The following MALRD1 variants were observed in gnomAD, a reference collection of about 807,000 sequenced individuals.
MALRD1 encodes the protein MAM and LDL receptor class A domain containing 1.
A neutral mutation model predicts 242.1 loss-of-function variants in MALRD1; 247 were observed. The observed-to-expected ratio is 1.02, with a 90% CI of 0.92 to 1.13. MALRD1 has a LOEUF of 1.13. Among genes scored for constraint, MALRD1 ranks in the 50% most tolerant of loss-of-function variants. MALRD1 has a pLI of 0.00. For missense variants in MALRD1, 2,989 were observed against 2,533.1 expected (o/e 1.18, Z -3.86); for synonymous variants, 995 against 866.6 (o/e 1.15, Z -2.60).
At chr10:19,356,125 A>G (rs1225529320) in intron 26 of MALRD1, among the ~76,000 whole-genome samples, 2 of 151,640 alleles carry the variant, frequency 1.3e-5, no homozygotes, top group Non-Finnish European at 1.5e-5. Context: ...CTACCACTAC[A>G]GTAGTTACAG....
At chr10:19,223,579 G>T (rs1050873063) in intron 18 of MALRD1, among the ~76,000 whole-genome samples, 3 of 151,768 alleles carry the variant, frequency 2.0e-5, no homozygotes, top group Non-Finnish European at 4.4e-5. Context: ...TTAAGTTCTG[G>T]GATACATATG....
chr10:19,285,480 G>C (rs1841065742), intron 21 of MALRD1, among the ~76,000 whole-genome samples: 1 of 151,702 alleles, frequency 6.6e-6, no homozygotes, highest in African/African-American at 2.4e-5. Context: ...TGGCTAGCCA[G>C]TTTTCCCAGC....
chr10:19,279,920 T>C, intron 19 of MALRD1, 127 bp from the exon 20 acceptor site: 1 of 636,636 alleles, frequency 1.6e-6, no homozygotes, highest in South Asian at 4.5e-5. Flanking sequence ...GCAGAGTAGC[T>C]GATACTACCC....
chr10:19,526,435 G>C (rs1834104668), intron 31 of MALRD1, among the ~76,000 whole-genome samples: 1 of 151,408 alleles, frequency 6.6e-6, no homozygotes, highest in African/African-American at 2.4e-5. Flanking sequence ...AGATATGCTA[G>C]AGTTTCAGAA....
intron 1 of MALRD1, among the ~76,000 whole-genome samples, chr10:19,049,786 A>G (rs974513822): frequency 2.0e-5 from 3 of 152,226 alleles, no homozygotes; most frequent in African/African-American, 7.2e-5. Context: ...ACAGGTGGGA[A>G]AATGCCCCAT....
intron 35 of MALRD1, among the ~76,000 whole-genome samples, 163 bp downstream of exon 35, chr10:19,608,065 C>T (rs1838722496): frequency 6.6e-6 from 1 of 152,068 alleles, no homozygotes; most frequent in Non-Finnish European, 1.5e-5. Flanking sequence ...TTAATTGCCA[C>T]ATGTCTAAAG....
chr10:19,711,308 A>G (rs1041308737), intron 38 of MALRD1: 3 of 152,220 alleles, frequency 2.0e-5, no homozygotes, highest in Non-Finnish European at 2.9e-5. Flanking sequence ...AAAGAAACAC[A>G]TAAGTCAGAA....
At chr10:19,654,237 AAG>A (rs1278389742) in intron 36 of MALRD1, among the ~76,000 whole-genome samples, 2 of 52,180 alleles carry the variant, frequency 3.8e-5, no homozygotes, top group African/African-American at 9.4e-5. Context: ...TGATGGATAA[AAG>A]ACTAAGCCAC....
At chr10:19,380,340 A>G (rs1845786126) in intron 26 of MALRD1, among the ~76,000 whole-genome samples, 1 of 150,026 alleles carries the variant, frequency 6.7e-6, no homozygotes, top group South Asian at 2.1e-4. Flanking sequence ...TTGTTCTTGG[A>G]AGTATTCCAC....
chr10:19,132,739 T>G (rs1833164641), intron 8 of MALRD1, among the ~76,000 whole-genome samples: 1 of 152,322 alleles, frequency 6.6e-6, no homozygotes, highest in South Asian at 2.1e-4. Context: ...TACCATATTG[T>G]TACCTAAAAA....
At chr10:19,234,117 A>C (rs1051745265) in intron 18 of MALRD1, among the ~76,000 whole-genome samples, 16 of 152,030 alleles carry the variant, frequency 1.1e-4, no homozygotes, top group Non-Finnish European at 1.2e-4. Flanking sequence ...ATTTAAATTA[A>C]ATTAGGATCT....
At chr10:19,539,767 G>A in intron 32 of MALRD1, among the ~76,000 whole-genome samples, 1 of 150,822 alleles carries the variant, frequency 6.6e-6, no homozygotes, top group African/African-American at 2.4e-5. Flanking sequence ...ACTCACTGCA[G>A]TCTCAACCTC....
At chr10:19,662,494 T>G (rs1057205216) in intron 36 of MALRD1, among the ~76,000 whole-genome samples, 20 of 152,302 alleles carry the variant, frequency 1.3e-4, no homozygotes, top group Admixed American at 8.5e-4. Context: ...GTCATTCTTT[T>G]TGAGGAATCC....
At chr10:19,209,236 T>A in intron 17 of MALRD1, 32 bp from the exon 18 acceptor site, 1 of 1,469,754 alleles carries the variant, frequency 6.8e-7, no homozygotes, top group South Asian at 1.4e-5. Context: ...TGTCCCTAAT[T>A]ATCTTTTGCT....
chr10:19,527,730 T>G (rs993997757), intron 31 of MALRD1, among the ~76,000 whole-genome samples: 1 of 152,202 alleles, frequency 6.6e-6, no homozygotes, highest in African/African-American at 2.4e-5. Flanking sequence ...CAATATAGGA[T>G]GAATATATTC....
At chr10:19,192,205 G>A (rs766043950) in intron 14 of MALRD1, among the ~76,000 whole-genome samples, 107 of 152,218 alleles carry the variant, frequency 7.0e-4, no homozygotes, top group Non-Finnish European at 1.2e-3. Context: ...TAATTCTTGT[G>A]TAATGGGTAC....
At chr10:19,192,855 C>T (rs979471217) in intron 14 of MALRD1, among the ~76,000 whole-genome samples, 1 of 152,106 alleles carries the variant, frequency 6.6e-6, no homozygotes, top group Non-Finnish European at 1.5e-5. Flanking sequence ...CTAAAGATAA[C>T]ATTCCTTTTC....
chr10:19,331,975 C>T (rs1843392540), intron 24 of MALRD1, among the ~76,000 whole-genome samples: 1 of 152,044 alleles, frequency 6.6e-6, no homozygotes, highest in Non-Finnish European at 1.5e-5. Flanking sequence ...AAGTGATTGT[C>T]CTGCCTCAGT....
At chr10:19,572,915 T>C (rs545559804) in intron 33 of MALRD1, among the ~76,000 whole-genome samples, 7 of 152,276 alleles carry the variant, frequency 4.6e-5, no homozygotes, top group African/African-American at 1.7e-4. Context: ...AGCAATACTT[T>C]GAATTCAGAC....
Sources: allele counts gnomAD v4.1 joint callset (sites outside exome capture counted in the v4.1 genomes callset), GRCh38; gene constraint gnomAD v4.1.1; transcripts MANE v1.5; gene names NCBI Gene and HGNC (gene_info 2026-07-23, HGNC 2026-07-21).